TBL3: variants seen among roughly 807,000 people sequenced by gnomAD.
TBL3 encodes transducin beta-like protein 3.
In TBL3, 71 loss-of-function variants were observed where a neutral mutation model predicts 102.7. That is an observed-to-expected ratio of 0.69 (90% confidence interval 0.57 to 0.84). The LOEUF (loss-of-function observed/expected upper bound fraction) is 0.84. TBL3 is among the 40% of genes least tolerant of loss of function. The pLI is 0.00. For missense variants in TBL3, 1,188 were observed against 1,098.5 expected, an observed-to-expected ratio of 1.08 and a Z score of -1.15; for synonymous variants, 578 against 477.7, an observed-to-expected ratio of 1.21 and a Z score of -2.74.
In TBL3 at chr16:1,979,061, C is replaced by G. The variant is rs557911970; in HGVS notation, c.*376C>G. 2 of 1,544,898 alleles carry G rather than the reference C, an allele frequency of 1.3e-6. No homozygotes were observed. The highest frequency in any genetic ancestry group is 1.2e-5 in the South Asian group (1 of 84,592). ...ATCGGGATCCTCGCGCTCACTGCTC[C>G]GTCGTGGGGTGCGGCACAGAGTCCA... On this transcript the variant is annotated 3_prime_UTR_variant, in exon 22 of 22. Transcript: ENST00000568546.
At position 1,975,276 on chromosome 16, in the gene TBL3, G is replaced by C. The variant is rs1182659533; in HGVS notation, c.711+14G>C. On this transcript the variant is annotated intron_variant, in intron 8 of 21. Coordinates refer to ENST00000568546, the MANE Select transcript of TBL3 (RefSeq NM_006453.3). Reference sequence around the variant, plus strand: ...CCTGTGTTTGAGGTGGGGATGCCTGGAGGCCAGGGCTGGTTGAGTTGGGTG... The same window carrying C: ...CCTGTGTTTGAGGTGGGGATGCCTGCAGGCCAGGGCTGGTTGAGTTGGGTG... 5 of 1,613,892 alleles carry C rather than the reference G, an allele frequency of 3.1e-6. No homozygotes were observed. The highest frequency in any genetic ancestry group is 1.1e-5 in the South Asian group (1 of 91,088).
chr16:1,977,963 A>T lies in TBL3; in HGVS notation c.1964A>T (p.Gln655Leu). 1.3e-6 allele frequency: 2 copies of T among 1,597,248 alleles called. No individual in the cohort carries two copies. The highest frequency in any genetic ancestry group is 1.7e-6 in the Non-Finnish European group (2 of 1,171,928). Reference sequence around the variant, plus strand: ...CTCTCCTCCCCTCCCCACAGGCAGCAAGAGCTGGACAACCTGCTGCATGAG... The same window carrying T: ...CTCTCCTCCCCTCCCCACAGGCAGCTAGAGCTGGACAACCTGCTGCATGAG... ...ARQEEQVVRQ[Q>L]ELDNLLHEKR... Residue 655 changes from glutamine to leucine, a missense_variant, in exon 19 of 22, where the codon CAA becomes CTA. By Grantham distance (113) the Gln-to-Leu change is moderately radical. Transcript: ENST00000568546.
In TBL3 at chr16:1,974,930, T is replaced by A. The variant is rs2083387747; in HGVS notation, c.467T>A (p.Leu156Gln). ...CATCCTGTCCCGTCCGCCCACAGCC[T>A]AGTGGCCTTCCACCCGGACCCTACA... is the stretch of plus-strand genomic sequence containing the variant. Reference protein sequence around the residue: ...HFRGSPGVVHLVAFHPDPTRL... With the variant: ...HFRGSPGVVHQVAFHPDPTRL... The change falls in exon 7 of 22, where the codon CTA becomes CAA. Residue 156 changes from leucine (L) to glutamine (Q), a missense_variant and splice_region_variant. Coordinates refer to ENST00000568546, the MANE Select transcript of TBL3 (RefSeq NM_006453.3). The A allele has an allele frequency of 6.2e-7, 1 of 1,611,722 alleles. No homozygotes were observed. The highest frequency in any genetic ancestry group is 8.5e-7 in the Non-Finnish European group (1 of 1,179,878).
rs759395937 is a variant in TBL3, at chr16:1,980,225, A to G, written c.*1540A>G. 7.1e-6 allele frequency: 11 copies of G among 1,553,862 alleles called. No individual in the cohort carries two copies. The highest frequency in any genetic ancestry group is 9.6e-6 in the Non-Finnish European group (11 of 1,150,678). On this transcript the variant is annotated 3_prime_UTR_variant, in exon 22 of 22. Transcript: ENST00000568546. ...ACGAGTGAGAGGTAGGCGGATGGGGAGGGTGAAACTGGGGGCGCCACCCCG... is the reference window on the plus strand; with the variant it reads ...ACGAGTGAGAGGTAGGCGGATGGGGGGGGTGAAACTGGGGGCGCCACCCCG...
rs753428312 is a variant in TBL3, at chr16:1,977,473, GGACCTGCCT to G, written c.1743-37_1743-29del. On this transcript the variant is annotated intron_variant, in intron 16 of 21. Coordinates refer to ENST00000568546, the MANE Select transcript of TBL3 (RefSeq NM_006453.3). Reference sequence around the variant, plus strand: ...AGCGATGGAGTGGGGGGTGGCGGGGGGACCTGCCTGACGCTGAGCCTCTCCCCACCCCAA... The same window carrying G: ...AGCGATGGAGTGGGGGGTGGCGGGGGGACGCTGAGCCTCTCCCCACCCCAA... 19 of 1,608,658 alleles carry G rather than the reference GGACCTGCCT, an allele frequency of 1.2e-5. No individual in the cohort carries two copies. In the African/African-American group the frequency reaches 2.5e-4, roughly 21 times the overall value.
Position 1,978,958 on chromosome 16 carries a change from C to T in TBL3, c.*273C>T. The T allele has an allele frequency of 7.9e-7, 1 of 1,270,502 alleles. No individual in the cohort carries two copies. Among genetic ancestry groups the T allele is most frequent in the Non-Finnish European group, 1.1e-6 (1 of 930,782 alleles). The allele number at this position is 1,270,502 out of a possible 1,614,324, so 78.7% of individuals were successfully genotyped here. A position where few individuals can be genotyped will look rare whatever the true frequency, so the allele number is the denominator to read the frequency against. ...TTACTCAGAGGAACAGCAAATGGCC[C>T]CCTCCCATCCCTGCTGGCCAGGGAG... On this transcript the variant is annotated 3_prime_UTR_variant, in exon 22 of 22. Coordinates refer to ENST00000568546, the MANE Select transcript of TBL3 (RefSeq NM_006453.3).
In TBL3 at chr16:1,975,118, AG is replaced by A; in HGVS notation, c.635+22del. ...GCTCAGGTCAGCAGTGGGCCCTGGT[AG>A]GAGGGGGAGGCTTGGAAAGTGGGGG... On this transcript the variant is annotated intron_variant, in intron 7 of 21. Coordinates refer to ENST00000568546, the MANE Select transcript of TBL3 (RefSeq NM_006453.3). 1.2e-6 allele frequency: 2 copies of A among 1,612,466 alleles called. No individual in the cohort carries two copies. The highest frequency in any genetic ancestry group is 1.7e-6 in the Non-Finnish European group (2 of 1,179,874).
chr16:1,977,957 G>C lies in TBL3; in HGVS notation c.1959-1G>C. 6.3e-7 allele frequency: 1 copy of C among 1,594,782 alleles called. No homozygotes were observed. The highest frequency in any genetic ancestry group is 8.5e-7 in the Non-Finnish European group (1 of 1,170,614). Reference sequence around the variant, plus strand: ...AGTGGCCTCTCCTCCCCTCCCCACAGGCAGCAAGAGCTGGACAACCTGCTG... The same window carrying C: ...AGTGGCCTCTCCTCCCCTCCCCACACGCAGCAAGAGCTGGACAACCTGCTG... On this transcript the variant is annotated splice_acceptor_variant, in intron 18 of 21. Coordinates refer to ENST00000568546, the MANE Select transcript of TBL3 (RefSeq NM_006453.3). LOFTEE classifies it high-confidence loss of function.
At position 1,982,256 on chromosome 16, in the gene TBL3, A is replaced by G. The variant is rs2083519839; in HGVS notation, c.*3571A>G. Reference sequence around the variant, plus strand: ...GTCTGTCCCACCAGCACTCTCTCTCATGCCCTCAAGCTGTCCCTGGTCTTG... The same window carrying G: ...GTCTGTCCCACCAGCACTCTCTCTCGTGCCCTCAAGCTGTCCCTGGTCTTG... On this transcript the variant is annotated 3_prime_UTR_variant, in exon 22 of 22. Coordinates refer to ENST00000568546, the MANE Select transcript of TBL3 (RefSeq NM_006453.3). 1.3e-5 allele frequency: 2 copies of G among 152,090 alleles called. No individual in the cohort carries two copies. Among genetic ancestry groups the G allele is most frequent in the Non-Finnish European group, 2.9e-5 (2 of 68,046 alleles). The allele number at this position is 152,090 out of a possible 1,614,324, so 9.4% of individuals were successfully genotyped here. A position where few individuals can be genotyped will look rare whatever the true frequency, so the allele number is the denominator to read the frequency against.
At chr16:1,978,091 TG>T in intron 19 of TBL3, 30 bp downstream of exon 19, 2 of 1,607,398 alleles carry the variant, frequency 1.2e-6, no homozygotes, top group Non-Finnish European at 8.5e-7. Context: ...GGCGAGGGGC[TG>T]GGTCTTCGGA....
rs1179385195 is a variant in TBL3 at position 1,979,515 on chromosome 16, T to A, written c.*830T>A. The A allele has an allele frequency of 6.2e-7, 1 of 1,611,268 alleles. No individual in the cohort carries two copies. Among genetic ancestry groups the A allele is most frequent in the East Asian group, 2.2e-5 (1 of 44,840 alleles). On this transcript the variant is annotated 3_prime_UTR_variant, in exon 22 of 22. Transcript: ENST00000568546. Reference sequence around the variant, plus strand: ...CAGCTCATCTGCGCGGCTGCTCTCGTAGGCGCGGGAAGCACAGAACTGGGG... The same window carrying A: ...CAGCTCATCTGCGCGGCTGCTCTCGAAGGCGCGGGAAGCACAGAACTGGGG...
chr16:1,974,151 G>A (rs370646665), intron 2 of TBL3, 44 bp downstream of exon 2: 37 of 1,564,120 alleles, frequency 2.4e-5, no homozygotes, highest in Middle Eastern at 1.7e-4. Context: ...GCCAGAGGCC[G>A]CGGGGGGTGC....
Position 1,978,719 on chromosome 16 carries a change from C to G in TBL3, c.*34C>G, listed in dbSNP as rs1398985863. 2 of 1,588,318 alleles carry G rather than the reference C, an allele frequency of 1.3e-6. No homozygotes were observed. The highest frequency in any genetic ancestry group is 1.7e-6 in the Non-Finnish European group (2 of 1,162,062). ...GCCTCTCTCCAGTCCATCCTGAACC[C>G]CTGGAAAACCCATAAAGGCCGCTCT... On this transcript the variant is annotated 3_prime_UTR_variant, in exon 22 of 22. Transcript: ENST00000568546.
chr16:1,980,324 C>G lies in TBL3; in HGVS notation c.*1639C>G, dbSNP rs1389841097. The G allele has an allele frequency of 1.3e-6, 2 of 1,577,886 alleles. No individual in the cohort carries two copies. Among genetic ancestry groups the G allele is most frequent in the African/African-American group, 2.7e-5 (2 of 74,288 alleles). Reference sequence around the variant, plus strand: ...CCCCCACCCTGGACCTCTCCCAGCTCCAAACGCCGCTGCATGCTGGGAGTT... The same window carrying G: ...CCCCCACCCTGGACCTCTCCCAGCTGCAAACGCCGCTGCATGCTGGGAGTT... On this transcript the variant is annotated 3_prime_UTR_variant, in exon 22 of 22. Coordinates refer to ENST00000568546, the MANE Select transcript of TBL3 (RefSeq NM_006453.3).
chr16:1,977,754 G>A lies in TBL3; in HGVS notation c.1912G>A (p.Ala638Thr), dbSNP rs769859287. 9.6e-6 allele frequency: 15 copies of A among 1,554,868 alleles called. No individual in the cohort carries two copies. The highest frequency in any genetic ancestry group is 2.4e-5 in the East Asian group (1 of 41,248). ...AGTCTAACCCCAGGATGTGACCGAG[G>A]CGGAGCAGGCAGAGGAGCAGGCCAG... ...RVILWKDVTE[A>T]EQAEEQARQE... is the part of the protein sequence containing the mutation. The change falls in exon 18 of 22, where the codon GCG becomes ACG. Residue 638 changes from alanine to threonine, a missense_variant. By Grantham distance (58) the Ala-to-Thr change is moderately conservative (BLOSUM62 0). Coordinates refer to ENST00000568546, the MANE Select transcript of TBL3 (RefSeq NM_006453.3).
Position 1,974,552 on chromosome 16 carries a change from C to A in TBL3, c.252C>A (p.Ala84=). 1.2e-6 allele frequency: 2 copies of A among 1,607,502 alleles called. No individual in the cohort carries two copies. The highest frequency in any genetic ancestry group is 1.7e-6 in the Non-Finnish European group (2 of 1,175,696). ...CCCTCCCCCAGGTGCTGGTGACAGC[C>A]AGTCGGGCATTGCTGCTGGCTCAGT... The part of the protein sequence containing the change: ...LSPDNEVLVT[A]SRALLLAQWA... Residue 84 remains alanine (A), a synonymous_variant, in exon 5 of 22, where the codon GCC becomes GCA. Transcript: ENST00000568546.
At position 1,978,197 on chromosome 16, in the gene TBL3, T is replaced by G. The variant is rs771734246; in HGVS notation, c.2111T>G (p.Leu704Arg). 4 of 1,612,608 alleles carry G rather than the reference T, an allele frequency of 2.5e-6. No individual in the cohort carries two copies. The highest frequency in any genetic ancestry group is 1.6e-4 in the Middle Eastern group (1 of 6,084). The change falls in exon 20 of 22, where the codon CTC becomes CGC. Residue 704 changes from leucine (L) to arginine (R), a missense_variant. By Grantham distance (102) the Leu-to-Arg change is moderately radical. Transcript: ENST00000568546. ...EACEKLEATM[L>R]RLRRDQKEAL... is the part of the protein sequence containing the mutation. ...TGCGAGAAGCTGGAAGCCACCATGC[T>G]CCGACTGCGGCGCGACCAGAAAGGT...
In TBL3 at chr16:1,981,178, A is replaced by G. The variant is rs2083502323; in HGVS notation, c.*2493A>G. The G allele has an allele frequency of 1.9e-6, 3 of 1,613,616 alleles. No homozygotes were observed. Among genetic ancestry groups the G allele is most frequent in the Non-Finnish European group, 2.5e-6 (3 of 1,180,008 alleles). ...TGAAACTGGGTATCGGGGGCCTGCCATGGCTGTGGCTTCCAGGCTGCAGAT... is the reference window on the plus strand; with the variant it reads ...TGAAACTGGGTATCGGGGGCCTGCCGTGGCTGTGGCTTCCAGGCTGCAGAT... On this transcript the variant is annotated 3_prime_UTR_variant, in exon 22 of 22. Transcript: ENST00000568546.
chr16:1,976,953 C>A lies in TBL3; in HGVS notation c.1432C>A (p.His478Asn), dbSNP rs775998798. The A allele has an allele frequency of 6.2e-7, 1 of 1,613,892 alleles. No homozygotes were observed. Among genetic ancestry groups the A allele is most frequent in the South Asian group, 1.1e-5 (1 of 91,086 alleles). ...GCAGGCCCAGACCACTCAGCGCTGCCATGATAAGGTGACTCCATAGCCACT... is the reference window on the plus strand; with the variant it reads ...GCAGGCCCAGACCACTCAGCGCTGCAATGATAAGGTGACTCCATAGCCACT... Reference protein sequence around the residue: ...LLQAQTTQRCHDKDINSVAIA... With the variant: ...LLQAQTTQRCNDKDINSVAIA... Residue 478 changes from histidine to asparagine, a missense_variant, in exon 14 of 22, where the codon CAT (histidine) becomes AAT (asparagine). Coordinates refer to ENST00000568546, the MANE Select transcript of TBL3 (RefSeq NM_006453.3).
Sources: allele counts gnomAD v4.1 joint callset, GRCh38; gene constraint gnomAD v4.1.1; transcripts MANE v1.5; gene names NCBI Gene and HGNC (gene_info 2026-07-23, HGNC 2026-07-21).